Variants in C6orf132 observed in about 807,000 individuals in gnomAD.
C6orf132 encodes chromosome 6 open reading frame 132.
Under a neutral mutation model 65.3 loss-of-function variants are expected in C6orf132, and 43 were observed. That is an observed-to-expected ratio of 0.66 (90% confidence interval 0.52 to 0.85). C6orf132 has a LOEUF of 0.85. C6orf132 is among the 40% of genes least tolerant of loss of function. The pLI, the probability that C6orf132 is intolerant of heterozygous loss-of-function variation, is 0.00. For synonymous variants in C6orf132, 631 were observed against 654.1 expected, an observed-to-expected ratio of 0.96 and a Z score of 0.54; for missense variants, 1,488 against 1,548.8, an observed-to-expected ratio of 0.96 and a Z score of 0.66.
chr6:42,103,892 A>G lies in C6orf132; in HGVS notation c.3450-14T>C. The G allele has an allele frequency of 1.4e-6, 2 of 1,405,648 alleles. No individual in the cohort carries two copies. The highest frequency in any genetic ancestry group is 1.9e-6 in the Non-Finnish European group (2 of 1,076,812). The allele number at this position is 1,405,648 out of a possible 1,614,324, so 87.1% of individuals were successfully genotyped here. On this transcript the variant is annotated splice_polypyrimidine_tract_variant and intron_variant, in intron 4 of 4. Coordinates refer to ENST00000341865, the MANE Select transcript of C6orf132 (RefSeq NM_001164446.3). Reference sequence around the variant, plus strand: ...GTGTAGGGAGACCTGGGGGAGAGCAAGAGATGTGAGGTGAATATCTGCAGC... The same window carrying G: ...GTGTAGGGAGACCTGGGGGAGAGCAGGAGATGTGAGGTGAATATCTGCAGC...
chr6:42,136,280 C>A (rs1437205093), intron 1 of C6orf132, among the ~76,000 whole-genome samples: 1 of 151,962 alleles, frequency 6.6e-6, no homozygotes, highest in African/African-American at 2.4e-5. Flanking sequence ...GGGCTGTTTC[C>A]CCACCTGTAA....
intron 2 of C6orf132, among the ~76,000 whole-genome samples, chr6:42,123,442 AAGAAGGAGAAGAAGG>A (rs200502725): frequency 0.27 from 22,308 of 82,300 alleles, 1,823 homozygotes; most frequent in African/African-American, 0.34. Flanking sequence ...GGAGAAGGAG[AAGAAGGAGAAGAAGG>A]AGAAGGAGAA....
Position 42,138,561 on chromosome 6 carries a change from A to G in C6orf132, c.145+3739T>C, listed in dbSNP as rs1440077977. On this transcript the variant is annotated intron_variant, in intron 1 of 4. Coordinates refer to ENST00000341865, the MANE Select transcript of C6orf132 (RefSeq NM_001164446.3). The stretch of plus-strand genomic sequence containing the variant: ...CTCAGTCTCCCAAAGCACTGGGATT[A>G]CAGGCGTGAGCCACCGCCCAGCCCA... Among the ~76,000 whole-genome samples, 8 of 152,202 alleles carry G rather than the reference A, an allele frequency of 5.3e-5. No individual in the cohort carries two copies. In the East Asian group the frequency reaches 1.2e-3, roughly 22 times the overall value.
chr6:42,136,530 T>A (rs1766943422), intron 1 of C6orf132, among the ~76,000 whole-genome samples: 1 of 152,166 alleles, frequency 6.6e-6, no homozygotes, highest in Non-Finnish European at 1.5e-5. Context: ...TACTTCTCCC[T>A]CACCGTAGAT....
chr6:42,133,690 C>T (rs1303821226), intron 1 of C6orf132, among the ~76,000 whole-genome samples: 2 of 152,038 alleles, frequency 1.3e-5, no homozygotes, highest in Non-Finnish European at 2.9e-5. Flanking sequence ...AGGTCTGCCT[C>T]CATTGACCCA....
In C6orf132 at chr6:42,128,722, T is replaced by C. The variant is rs769929738; in HGVS notation, c.202A>G (p.Thr68Ala). The stretch of plus-strand genomic sequence containing the variant: ...CGGACTCTTGGCCGAGCTTTCAGCG[T>C]GGCTGTTCCTGACTCGCTCACTGTG... ...FNTVSESGTA[T>A]LKARPRVRPL... Residue 68 changes from threonine to alanine, a missense_variant, in exon 2 of 5, where the codon ACG (threonine) becomes GCG (alanine). By Grantham distance (58) the Thr-to-Ala change is moderately conservative. Transcript: ENST00000341865. The C allele has an allele frequency of 1.3e-5, 20 of 1,551,454 alleles. No homozygotes were observed. The highest frequency in any genetic ancestry group is 1.4e-5 in the Non-Finnish European group (16 of 1,146,988).
intron 1 of C6orf132, among the ~76,000 whole-genome samples, chr6:42,129,827 T>C (rs938837251): frequency 2.0e-5 from 3 of 152,092 alleles, no homozygotes; most frequent in Non-Finnish European, 4.4e-5. Flanking sequence ...AGAAGAAAGG[T>C]TAGAATCCCA....
chr6:42,129,175 G>A (rs571419053), intron 1 of C6orf132, among the ~76,000 whole-genome samples: 2 of 152,196 alleles, frequency 1.3e-5, no homozygotes, highest in Non-Finnish European at 2.9e-5. Context: ...CTTTTCCCTC[G>A]AGTGTTTGAA....
Position 42,111,953 on chromosome 6 carries a change from C to T in C6orf132, c.253-1662G>A, listed in dbSNP as rs536693295. 2.6e-5 allele frequency among the ~76,000 whole-genome samples: 4 copies of T among 152,164 alleles called. No individual in the cohort carries two copies. In the East Asian group the frequency reaches 7.7e-4, roughly 29 times the overall value. Reference sequence around the variant, plus strand: ...CCCCAATGACCTGGCCTCATGCTTCCCAGCCAACTGTTATTTCCCACTCAC... The same window carrying T: ...CCCCAATGACCTGGCCTCATGCTTCTCAGCCAACTGTTATTTCCCACTCAC... On this transcript the variant is annotated intron_variant, in intron 2 of 4. Transcript: ENST00000341865.
chr6:42,113,933 A>C (rs1766529863), intron 2 of C6orf132, among the ~76,000 whole-genome samples: 3 of 152,220 alleles, frequency 2.0e-5, no homozygotes, highest in Non-Finnish European at 2.9e-5. Flanking sequence ...AACCAATGCT[A>C]GTTGAAGGAT....
At chr6:42,130,049 C>G (rs1766827319) in intron 1 of C6orf132, among the ~76,000 whole-genome samples, 1 of 152,228 alleles carries the variant, frequency 6.6e-6, no homozygotes, top group Non-Finnish European at 1.5e-5. Flanking sequence ...TTGGATGTGA[C>G]AGGGAGGCTC....
intron 1 of C6orf132, among the ~76,000 whole-genome samples, chr6:42,134,932 C>T (rs1766916050): frequency 6.6e-6 from 1 of 152,120 alleles, no homozygotes; most frequent in Non-Finnish European, 1.5e-5. Context: ...ACCTGGGAGG[C>T]AGAGGTCGTA....
chr6:42,108,470 G>T lies in C6orf132; in HGVS notation c.329-887C>A, dbSNP rs1157939045. 7.9e-5 allele frequency among the ~76,000 whole-genome samples: 12 copies of T among 152,288 alleles called. No individual in the cohort carries two copies. The East Asian group carries it at 1.7e-3, about 22-fold the overall frequency. Reference sequence around the variant, plus strand: ...GACAGGGAAGGTGGGAAAGAGATAGGAAGTCATGGGGCAGGGGCGAGAGAC... The same window carrying T: ...GACAGGGAAGGTGGGAAAGAGATAGTAAGTCATGGGGCAGGGGCGAGAGAC... On this transcript the variant is annotated intron_variant, in intron 3 of 4. Coordinates refer to ENST00000341865, the MANE Select transcript of C6orf132 (RefSeq NM_001164446.3).
chr6:42,110,137 G>A, intron 3 of C6orf132, 79 bp downstream of exon 3: 1 of 1,164,358 alleles, frequency 8.6e-7, no homozygotes, highest in Non-Finnish European at 1.2e-6. Context: ...CTGTGAAGAT[G>A]AGCAGATGCT....
chr6:42,130,246 A>G (rs9471777), intron 1 of C6orf132, among the ~76,000 whole-genome samples: 50 of 152,344 alleles, frequency 3.3e-4, no homozygotes, highest in African/African-American at 1.2e-3. Context: ...ACTCTGGGCA[A>G]ATATGATTTT....
In C6orf132 at chr6:42,124,533, AGCCTGGCCTGGGAGGT is replaced by A. The variant is rs1462814727; in HGVS notation, c.252+4123_252+4138del. Among the ~76,000 whole-genome samples the A allele has an allele frequency of 6.6e-6, 1 of 152,146 alleles. No homozygotes were observed. Among genetic ancestry groups the A allele is most frequent in the East Asian group, 1.9e-4 (1 of 5,174 alleles). ...CTCGTACCTCCCCTACCCACTGGGC[AGCCTGGCCTGGGAGGT>A]GCCTCTGAATGTGGGAAGGGAGGAC... On this transcript the variant is annotated intron_variant, in intron 2 of 4. Coordinates refer to ENST00000341865, the MANE Select transcript of C6orf132 (RefSeq NM_001164446.3). The surrounding 1 kb of genome is among the most constrained non-coding windows in gnomAD (Gnocchi z 4.0).
At chr6:42,127,780 C>T (rs568340895) in intron 2 of C6orf132, among the ~76,000 whole-genome samples, 6 of 152,016 alleles carry the variant, frequency 3.9e-5, no homozygotes, top group South Asian at 2.1e-4. Context: ...CACAAGCAGC[C>T]GTTGAGCACT....
intron 2 of C6orf132, among the ~76,000 whole-genome samples, chr6:42,119,124 T>C (rs1253795310): frequency 1.4e-5 from 2 of 140,128 alleles, no homozygotes; most frequent in Non-Finnish European, 3.1e-5. Flanking sequence ...GCGCCTGTAA[T>C]CCCAACTACT....
At chr6:42,108,422 GCTTAA>G (rs1766447133) in intron 3 of C6orf132, among the ~76,000 whole-genome samples, 1 of 152,144 alleles carries the variant, frequency 6.6e-6, no homozygotes, top group Non-Finnish European at 1.5e-5. Flanking sequence ...TACCATCTGT[GCTTAA>G]CTTTTCAGAC....
Sources: allele counts gnomAD v4.1 joint callset (sites outside exome capture counted in the v4.1 genomes callset), GRCh38; gene constraint gnomAD v4.1.1; non-coding constraint Gnocchi (gnomAD v3.1); transcripts MANE v1.5; gene names NCBI Gene and HGNC (gene_info 2026-07-23, HGNC 2026-07-21).